GRIP1: variants seen among roughly 807,000 people sequenced by gnomAD.
The protein encoded by GRIP1 is glutamate receptor interacting protein 1.
GRIP1 carries 45 observed loss-of-function variants against 129.9 expected under a neutral mutation model. The ratio of observed to expected loss-of-function variants is 0.35; its 90% CI spans 0.27 to 0.44. GRIP1 has a LOEUF of 0.44. Among genes scored for constraint, GRIP1 ranks in the 20% least tolerant of loss-of-function variants. GRIP1 has a pLI of 1.00. For synonymous variants in GRIP1, 530 were observed against 520.8 expected (o/e 1.02, Z -0.24); for missense variants, 1,196 against 1,396.8 (o/e 0.86, Z 2.29).
At chr12:66,767,562 G>A (rs1317378255) in intron 1 of GRIP1, among the ~76,000 whole-genome samples, 2 of 128,306 alleles carry the variant, frequency 1.6e-5, no homozygotes. Flanking sequence ...GCAAGTGGCT[G>A]TCTCTGTATT....
intron 7 of GRIP1, among the ~76,000 whole-genome samples, chr12:66,469,210 T>C (rs2059369942): frequency 6.6e-6 from 1 of 152,226 alleles, no homozygotes; most frequent in Non-Finnish European, 1.5e-5. Context: ...GACCTCATTT[T>C]CTTCACTTGT....
chr12:66,740,854 C>T (rs553573844), intron 1 of GRIP1, among the ~76,000 whole-genome samples: 3 of 151,952 alleles, frequency 2.0e-5, no homozygotes, highest in Non-Finnish European at 4.4e-5. Context: ...ATGCTGGAAG[C>T]AGGAGCCAAC....
Position 66,667,679 on chromosome 12 carries a change from C to A in GRIP1, c.55+11171G>T, listed in dbSNP as rs7964806. Among the ~76,000 whole-genome samples the A allele has an allele frequency of 7.0e-3, 1,072 of 152,242 alleles. 13 individuals carry two copies. Among genetic ancestry groups the A allele is most frequent in the African/African-American group, 0.024 (1,017 of 41,540 alleles). Reference sequence around the variant, plus strand: ...CAGTACACTTGCCTATTCCTCAACTCCACACCAAAATGGGGAGGGCTTTCT... The same window carrying A: ...CAGTACACTTGCCTATTCCTCAACTACACACCAAAATGGGGAGGGCTTTCT... On this transcript the variant is annotated intron_variant, in intron 1 of 24. Coordinates refer to ENST00000359742, the MANE Select transcript of GRIP1 (RefSeq NM_001366722.1).
rs188759063 is a variant in GRIP1 at position 66,678,820 on chromosome 12, G to A, written c.55+30C>T. The A allele has an allele frequency of 3.7e-5, 60 of 1,601,616 alleles. No homozygotes were observed. In the East Asian group the frequency reaches 1.1e-3, roughly 30 times the overall value. On this transcript the variant is annotated intron_variant, in intron 1 of 24. Coordinates refer to ENST00000359742, the MANE Select transcript of GRIP1 (RefSeq NM_001366722.1). ...GTTTATAGGATACTGCAACAGACTC[G>A]CTGAGGGAATAACAAGGAAAGCACG...
intron 19 of GRIP1, among the ~76,000 whole-genome samples, chr12:66,385,770 C>G (rs757059774): frequency 6.6e-6 from 1 of 151,904 alleles, no homozygotes; most frequent in Non-Finnish European, 1.5e-5. Flanking sequence ...CCACCACACC[C>G]AGCTAATTTT....
chr12:66,559,148 A>C (rs914596177), intron 2 of GRIP1, among the ~76,000 whole-genome samples: 1 of 151,996 alleles, frequency 6.6e-6, no homozygotes, highest in Non-Finnish European at 1.5e-5. Context: ...AAAAAAAAAA[A>C]AACCCTCAAA....
chr12:66,365,406 C>A (rs1245315007), intron 23 of GRIP1, among the ~76,000 whole-genome samples: 4 of 152,224 alleles, frequency 2.6e-5, no homozygotes, highest in African/African-American at 9.6e-5. Context: ...CACTGCACTC[C>A]AGCCTGGGCA....
At chr12:66,884,204 T>A (rs2040526053) in intron 1 of GRIP1, among the ~76,000 whole-genome samples, 2 of 152,262 alleles carry the variant, frequency 1.3e-5, no homozygotes, top group South Asian at 4.1e-4. Flanking sequence ...ATTTTGTTAA[T>A]AATTTCAGTG....
chr12:66,947,134 C>T (rs1032489105), intron 1 of GRIP1, among the ~76,000 whole-genome samples: 22 of 152,078 alleles, frequency 1.4e-4, no homozygotes, highest in Middle Eastern at 3.4e-3. Context: ...CACTTTTAGA[C>T]GGAGGCAGAC....
At chr12:66,809,521 C>G (rs2039061899) in intron 1 of GRIP1, among the ~76,000 whole-genome samples, 1 of 152,168 alleles carries the variant, frequency 6.6e-6, no homozygotes, top group Non-Finnish European at 1.5e-5. Flanking sequence ...AAGAAAAAAA[C>G]ACTCTGTTCT....
intron 23 of GRIP1, among the ~76,000 whole-genome samples, chr12:66,368,732 CCTTT>C (rs1392038390): frequency 2.0e-5 from 3 of 152,216 alleles, no homozygotes; most frequent in African/African-American, 7.2e-5. Context: ...GAGCTCCATT[CCTTT>C]AACAAGTCAC....
chr12:66,594,390 C>CTGTA (rs1425239829), intron 2 of GRIP1, among the ~76,000 whole-genome samples: 1 of 152,166 alleles, frequency 6.6e-6, no homozygotes, highest in Admixed American at 6.5e-5. Context: ...AACCCATAGG[C>CTGTA]TGTAATACAG....
intron 1 of GRIP1, among the ~76,000 whole-genome samples, chr12:66,997,033 T>TTA (rs1287527735): frequency 2.0e-5 from 3 of 152,136 alleles, no homozygotes; most frequent in African/African-American, 7.2e-5. Context: ...GAAAGACTAA[T>TTA]AGAGAAAAGG....
rs888072890 is a variant in GRIP1, at chr12:66,804,072, G to A, written c.-439C>T. 2.0e-5 allele frequency: 9 copies of A among 455,458 alleles called. No individual in the cohort carries two copies. In the East Asian group the frequency reaches 2.8e-4, roughly 14 times the overall value. The allele number at this position is 455,458 out of a possible 1,614,324, so 28.2% of individuals were successfully genotyped here. On this transcript the variant is annotated 5_prime_UTR_variant, in exon 1 of 5. Coordinates refer to the GRIP1 transcript ENST00000538373. ...GCTTACTTCGAAAATGCTCTGAAGCGTAATAATAGACATCCTCATAGCCCT... is the reference window on the plus strand; with the variant it reads ...GCTTACTTCGAAAATGCTCTGAAGCATAATAATAGACATCCTCATAGCCCT...
At chr12:66,387,939 A>G (rs1351793621) in intron 19 of GRIP1, among the ~76,000 whole-genome samples, 1 of 152,238 alleles carries the variant, frequency 6.6e-6, no homozygotes, top group Non-Finnish European at 1.5e-5. Context: ...TATCATCCTT[A>G]TGAAAACACA....
At chr12:66,480,454 A>G (rs1287472141) in intron 7 of GRIP1, among the ~76,000 whole-genome samples, 3 of 152,172 alleles carry the variant, frequency 2.0e-5, no homozygotes, top group Non-Finnish European at 2.9e-5. Context: ...CATGGATAGG[A>G]AGAATCAATA....
At chr12:66,730,710 A>AAAAAC (rs2036407635) in intron 1 of GRIP1, among the ~76,000 whole-genome samples, 1 of 151,648 alleles carries the variant, frequency 6.6e-6, no homozygotes, top group African/African-American at 2.4e-5. Context: ...ACAAAAAAAA[A>AAAAAC]AAAAAAAAAA....
intron 7 of GRIP1, among the ~76,000 whole-genome samples, chr12:66,487,748 G>A (rs948176351): frequency 6.6e-6 from 1 of 152,194 alleles, no homozygotes; most frequent in African/African-American, 2.4e-5. Context: ...CATCTCATGT[G>A]CAAAGACACA....
At chr12:66,447,674 A>C (rs2058670941) in intron 11 of GRIP1, among the ~76,000 whole-genome samples, 3 of 145,344 alleles carry the variant, frequency 2.1e-5, no homozygotes, top group African/African-American at 5.1e-5. Flanking sequence ...ATCCCTTTCC[A>C]CCCCCCATGA....
Sources: gnomAD v4.1 joint callset for allele counts (sites outside exome capture counted in the v4.1 genomes callset) on GRCh38, gnomAD v4.1.1 for gene constraint, MANE v1.5 for transcripts, NCBI Gene and HGNC (gene_info 2026-07-23, HGNC 2026-07-21) for gene names.